The following NLRP2 variants were observed in gnomAD, a reference collection of about 807,000 sequenced individuals.
NLRP2 encodes the protein NLR family pyrin domain containing 2.
In NLRP2, 107 loss-of-function variants were observed where a neutral mutation model predicts 97.2. The observed-to-expected ratio is 1.10, with a 90% CI of 0.94 to 1.29. The LOEUF (loss-of-function observed/expected upper bound fraction) is 1.29, where lower values mean the gene tolerates loss of function less well. Ranked by LOEUF, NLRP2 falls within the 50% of genes most tolerant of loss-of-function variation. NLRP2 has a pLI of 0.00. For missense variants in NLRP2, 1,495 were observed against 1,330.3 expected, an observed-to-expected ratio of 1.12 and a Z score of -1.93; for synonymous variants, 663 against 551.5, an observed-to-expected ratio of 1.20 and a Z score of -2.83.
At chr19:54,966,688 G>A (rs1000665140) in intron 1 of NLRP2, among the ~76,000 whole-genome samples, 3 of 151,846 alleles carry the variant, frequency 2.0e-5, no homozygotes, top group African/African-American at 7.2e-5. Context: ...TGAGACTACA[G>A]GCACCTGCCA....
chr19:54,982,289 C>A lies in NLRP2; in HGVS notation c.591C>A (p.Asn197Lys). Reference protein sequence around the residue: ...ERYKMLIPFSNPRVLPGPFSY... With the variant: ...ERYKMLIPFSKPRVLPGPFSY... Reference sequence around the variant, plus strand: ...ACAAGATGCTGATCCCATTCAGCAACCCCAGGGTGCTTCCCGGGCCCTTCT... The same window carrying A: ...ACAAGATGCTGATCCCATTCAGCAAACCCAGGGTGCTTCCCGGGCCCTTCT... The change falls in exon 6 of 13, where the codon AAC becomes AAA. Residue 197 changes from asparagine (N) to lysine (K), a missense_variant. Physicochemically the swap from Asn to Lys is moderately conservative, Grantham distance 94 (BLOSUM62 0). Transcript: ENST00000448584. 1 of 1,614,082 alleles carries A rather than the reference C, an allele frequency of 6.2e-7. No individual in the cohort carries two copies.
rs1234648695 is a variant in NLRP2 at position 54,966,391 on chromosome 19, C to G, written c.-94C>G. 3.3e-5 allele frequency: 5 copies of G among 152,028 alleles called. No homozygotes were observed. Among genetic ancestry groups the G allele is most frequent in the East Asian group, 1.9e-4 (1 of 5,142 alleles). 9.4% of individuals were successfully genotyped at this position (152,028 alleles called of 1,614,324 possible). ...CGAGGGCCAATCACAGGGCTGCGGCCGAGAGAGAAGCCTTATTAGAGCTTT... is the reference window on the plus strand; with the variant it reads ...CGAGGGCCAATCACAGGGCTGCGGCGGAGAGAGAAGCCTTATTAGAGCTTT... On this transcript the variant is annotated 5_prime_UTR_variant, in exon 1 of 13. Transcript: ENST00000448584.
intron 10 of NLRP2, chr19:54,991,185 T>G (rs2072452304): frequency 5.7e-6 from 1 of 176,240 alleles, no homozygotes; most frequent in Non-Finnish European, 1.2e-5. Flanking sequence ...TGGGCCAGTG[T>G]ACGCTCAGAC....
At chr19:54,998,025 C>CTTTTTTTTTTTT (rs757893808) in intron 12 of NLRP2, among the ~76,000 whole-genome samples, 1 of 127,296 alleles carries the variant, frequency 7.9e-6, no homozygotes. Context: ...TTTTTTCTTT[C>CTTTTTTTTTTTT]TTTTTTTTTT....
intron 7 of NLRP2, 33 bp from the exon 8 acceptor site, chr19:54,986,118 C>CTA (rs1338131411): frequency 6.6e-7 from 1 of 1,514,970 alleles, no homozygotes. Context: ...GGTGTACACA[C>CTA]TAAAGATTTC....
At chr19:54,976,901 G>A (rs1304579004) in intron 3 of NLRP2, 9 of 398,924 alleles carry the variant, frequency 2.3e-5, no homozygotes, top group East Asian at 8.4e-5. Flanking sequence ...TGCAATCTCC[G>A]CCTCCTGGGT....
chr19:54,976,456 C>T (rs1281820280), intron 3 of NLRP2, among the ~76,000 whole-genome samples: 2 of 151,996 alleles, frequency 1.3e-5, no homozygotes, highest in Admixed American at 1.3e-4. Flanking sequence ...AAGTGATTCT[C>T]CTGCCTTAGC....
chr19:54,975,101 GTTTTGTT>G (rs2071116553), intron 3 of NLRP2, among the ~76,000 whole-genome samples: 1 of 83,086 alleles, frequency 1.2e-5, no homozygotes, highest in Non-Finnish European at 2.5e-5. Context: ...ACCACACCCG[GTTTTGTT>G]TTTTTTTTTT....
chr19:54,971,507 C>T (rs571789674), intron 2 of NLRP2, among the ~76,000 whole-genome samples: 257 of 151,820 alleles, frequency 1.7e-3, no homozygotes, highest in Middle Eastern at 6.8e-3. Context: ...TTTTAATGAT[C>T]GCCATTCTAA....
intron 3 of NLRP2, among the ~76,000 whole-genome samples, chr19:54,977,267 C>G (rs1035561703): frequency 2.6e-4 from 39 of 151,970 alleles, no homozygotes; most frequent in African/African-American, 8.7e-4. Context: ...ACTAAAAATA[C>G]AAAATTAGCC....
chr19:54,993,046 C>G (rs1187954686), intron 10 of NLRP2, among the ~76,000 whole-genome samples: 2 of 151,628 alleles, frequency 1.3e-5, no homozygotes, highest in African/African-American at 2.4e-5. Context: ...ATGGTGAAAC[C>G]CTGTCTTTAC....
chr19:54,972,219 T>C (rs269915), intron 2 of NLRP2, among the ~76,000 whole-genome samples: 21,332 of 151,888 alleles, frequency 0.14, 1,955 homozygotes, highest in Non-Finnish European at 0.21. Context: ...TCTCACTCTG[T>C]CACCCAGGAT....
At chr19:54,988,957 G>A (rs2072277179) in intron 8 of NLRP2, among the ~76,000 whole-genome samples, 1 of 151,994 alleles carries the variant, frequency 6.6e-6, no homozygotes, top group African/African-American at 2.4e-5. Flanking sequence ...ATCGCTTGAA[G>A]TCAGGAGTTT....
chr19:54,995,171 A>G (rs11881518), intron 11 of NLRP2, among the ~76,000 whole-genome samples: 48,802 of 135,018 alleles, frequency 0.36, 9,590 homozygotes, highest in Middle Eastern at 0.46. Context: ...TTAGCCGAGC[A>G]TAGTAGTGGG....
intron 4 of NLRP2, among the ~76,000 whole-genome samples, chr19:54,978,923 A>G (rs1261199267): frequency 6.6e-6 from 1 of 151,774 alleles, no homozygotes; most frequent in Non-Finnish European, 1.5e-5. Context: ...TAAACAACTT[A>G]CAGAGAAAAT....
At position 54,994,331 on chromosome 19, in the gene NLRP2, A is replaced by G; in HGVS notation, c.2771A>G (p.Lys924Arg). The G allele has an allele frequency of 1.9e-6, 3 of 1,614,152 alleles. No individual in the cohort carries two copies. In the South Asian group the frequency reaches 3.3e-5, roughly 18 times the overall value. ...CCDLTKLLQE[K>R]SSLLCLDLGL... is the part of the protein sequence containing the mutation. ...GATCTCACAAAGCTTCTCCAAGAAA[A>G]ATCAAGCCTGTTGTGTTTGGATCTG... is the stretch of plus-strand genomic sequence containing the variant. The change falls in exon 11 of 13, where the codon AAA (lysine) becomes AGA (arginine). Residue 924 changes from lysine to arginine, a missense_variant. Coordinates refer to ENST00000448584, the MANE Select transcript of NLRP2 (RefSeq NM_017852.5).
intron 9 of NLRP2, 133 bp downstream of exon 9, chr19:54,990,325 C>G: frequency 8.7e-7 from 1 of 1,155,480 alleles, no homozygotes. Flanking sequence ...AGATCCAGGC[C>G]GATGGCCTGT....
At position 54,982,940 on chromosome 19, in the gene NLRP2, G is replaced by C. The variant is rs746099147; in HGVS notation, c.1242G>C (p.Lys414Asn). Residue 414 changes from lysine (K) to asparagine (N), a missense_variant, in exon 6 of 13, where the codon AAG becomes AAC. Transcript: ENST00000448584. Reference sequence around the variant, plus strand: ...CGACTCTGAAGCTGCAGATGGAGAAGGGGGAGGACCCGGTCCCCACCTGCC... The same window carrying C: ...CGACTCTGAAGCTGCAGATGGAGAACGGGGAGGACCCGGTCCCCACCTGCC... ...VCTTLKLQME[K>N]GEDPVPTCLT... 3 of 1,612,604 alleles carry C rather than the reference G, an allele frequency of 1.9e-6. No individual in the cohort carries two copies. Among genetic ancestry groups the C allele is most frequent in the East Asian group, 2.2e-5 (1 of 44,854 alleles).
At position 54,982,671 on chromosome 19, in the gene NLRP2, G is replaced by A. The variant is rs747795316; in HGVS notation, c.973G>A (p.Val325Met). 1.6e-5 allele frequency: 26 copies of A among 1,614,042 alleles called. No individual in the cohort carries two copies. The highest frequency in any genetic ancestry group is 2.7e-5 in the African/African-American group (2 of 74,930). The change falls in exon 6 of 13, where the codon GTG becomes ATG. Residue 325 changes from valine (V) to methionine (M), a missense_variant. Transcript: ENST00000448584. ...CCTCCTGGGGAGTTTGCTGAACAGG[G>A]TGATGTTACCCAAGGCCGCCCTGCT... ...PVLLGSLLNR[V>M]MLPKAALLVT... is the part of the protein sequence containing the mutation.
Sources: allele counts gnomAD v4.1 joint callset (sites outside exome capture counted in the v4.1 genomes callset), GRCh38; gene constraint gnomAD v4.1.1; transcripts MANE v1.5; gene names NCBI Gene and HGNC (gene_info 2026-07-23, HGNC 2026-07-21).